The following LEMD2 variants were observed in gnomAD, a reference collection of about 807,000 sequenced individuals.
LEMD2 encodes LEM domain nuclear envelope protein 2.
Under a neutral mutation model 58.8 loss-of-function variants are expected in LEMD2, and 34 were observed. The ratio of observed to expected loss-of-function variants is 0.58; its 90% CI spans 0.44 to 0.77. The LOEUF (loss-of-function observed/expected upper bound fraction) is 0.77. LEMD2 is among the 30% of genes least tolerant of loss of function. The pLI, the probability that LEMD2 is intolerant of heterozygous loss-of-function variation, is 0.00. For missense variants in LEMD2, 629 were observed against 717.9 expected, an observed-to-expected ratio of 0.88 and a Z score of 1.42; for synonymous variants, 298 against 308.9, an observed-to-expected ratio of 0.96 and a Z score of 0.37.
chr6:33,780,234 C>A, intron 4 of LEMD2, 55 bp from the exon 5 acceptor site: 1 of 1,408,468 alleles, frequency 7.1e-7, no homozygotes, highest in Non-Finnish European at 9.8e-7. Flanking sequence ...GCAGCTGGAA[C>A]ATTATTCTGC....
intron 3 of LEMD2, 107 bp downstream of exon 3, chr6:33,784,245 C>T: frequency 1.1e-6 from 1 of 886,842 alleles, no homozygotes; most frequent in Non-Finnish European, 1.9e-6. Flanking sequence ...GAGAGACAAC[C>T]AGGGAGTGTC....
Position 33,788,911 on chromosome 6 carries a change from C to T in LEMD2, c.206G>A (p.Arg69His). 6.9e-7 allele frequency: 1 copy of T among 1,445,528 alleles called. No homozygotes were observed. The allele number at this position is 1,445,528 out of a possible 1,614,324, so 89.5% of individuals were successfully genotyped here. A position where few individuals can be genotyped will look rare whatever the true frequency, so the allele number is the denominator to read the frequency against. Reference protein sequence around the residue: ...EERLREEARLREDAPLRARPA... With the variant: ...EERLREEARLHEDAPLRARPA... ...CCGGGCGCGCAGCGGCGCATCCTCG[C>T]GTAACCGGGCCTCTTCCCGTAACCG... Residue 69 changes from arginine to histidine, a missense_variant, in exon 1 of 9, where the codon CGC (arginine) becomes CAC (histidine). Arg to His is a conservative substitution (Grantham distance 29, BLOSUM62 0). Coordinates refer to ENST00000293760, the MANE Select transcript of LEMD2 (RefSeq NM_181336.4).
chr6:33,772,701 T>C lies in LEMD2; in HGVS notation c.1439A>G (p.His480Arg), dbSNP rs1767330778. 1 of 1,613,902 alleles carries C rather than the reference T, an allele frequency of 6.2e-7. No individual in the cohort carries two copies. Among genetic ancestry groups the C allele is most frequent in the Non-Finnish European group, 8.5e-7 (1 of 1,180,004 alleles). ...SNESRIQTES[H>R]RVAGEDMLVW... ...CAGCATGTCCTCTCCTGCAACGCGG[T>C]GGGACTCCGTCTGGATCCGGGATTC... The change falls in exon 9 of 9, where the codon CAC becomes CGC. Residue 480 changes from histidine to arginine, a missense_variant. Coordinates refer to ENST00000293760, the MANE Select transcript of LEMD2 (RefSeq NM_181336.4).
chr6:33,777,312 G>T, intron 6 of LEMD2, 73 bp from the exon 7 acceptor site: 1 of 1,021,374 alleles, frequency 9.8e-7, no homozygotes, highest in Admixed American at 1.7e-5. Context: ...ACAAGATGCT[G>T]TGATGGATGC....
intron 1 of LEMD2, among the ~76,000 whole-genome samples, chr6:33,787,888 C>T (rs1404608886): frequency 6.6e-6 from 1 of 152,188 alleles, no homozygotes; most frequent in African/African-American, 2.4e-5. Context: ...AAGCGGCGGC[C>T]CTGTGATTCA....
chr6:33,774,941 T>G (rs751095), intron 8 of LEMD2, among the ~76,000 whole-genome samples: 19,272 of 151,702 alleles, frequency 0.13, 1,513 homozygotes, highest in Middle Eastern at 0.22. Context: ...TGGCATGTAG[T>G]AGGTGCTCAA....
In LEMD2 at chr6:33,781,160, G is replaced by GA. The variant is rs3833665; in HGVS notation, c.854-8dup. On this transcript the variant is annotated splice_polypyrimidine_tract_variant and splice_region_variant and intron_variant, in intron 3 of 8. Coordinates refer to ENST00000293760, the MANE Select transcript of LEMD2 (RefSeq NM_181336.4). ...TTTCCACACTCAAAATTACCTAGGA[G>GA]AAAAAAAACCACACATGCTCAAACA... 343,351 of 1,560,888 alleles carry GA rather than the reference G, an allele frequency of 0.22. 39,064 individuals carry two copies. Among genetic ancestry groups the GA allele is most frequent in the Admixed American group, 0.33 (19,279 of 58,842 alleles).
chr6:33,776,865 T>G, intron 8 of LEMD2, 89 bp downstream of exon 8: 1 of 1,064,454 alleles, frequency 9.4e-7, no homozygotes, highest in East Asian at 2.5e-5. Flanking sequence ...AGCTGACATC[T>G]GATGCAAGGC....
At position 33,788,428 on chromosome 6, in the gene LEMD2, C is replaced by G. The variant is rs781259158; in HGVS notation, c.689G>C (p.Trp230Ser). Reference protein sequence around the residue: ...GLLLVFLGILWVKMGKPSAPQ... With the variant: ...GLLLVFLGILSVKMGKPSAPQ... Reference sequence around the variant, plus strand: ...CGCTGAGGGCTTGCCCATCTTCACCCAAAGGATGCCCAGGAAGACGAGCAG... The same window carrying G: ...CGCTGAGGGCTTGCCCATCTTCACCGAAAGGATGCCCAGGAAGACGAGCAG... Residue 230 changes from tryptophan (W) to serine (S), a missense_variant, in exon 1 of 9, where the codon TGG becomes TCG. Around this residue, in one of 2 missense-constraint regions of LEMD2, gnomAD observed 386 missense variants for 381.1 expected, o/e 1.01. Coordinates refer to ENST00000293760, the MANE Select transcript of LEMD2 (RefSeq NM_181336.4). 6.3e-7 allele frequency: 1 copy of G among 1,586,946 alleles called. No individual in the cohort carries two copies. The highest frequency in any genetic ancestry group is 8.6e-7 in the Non-Finnish European group (1 of 1,167,660).
At chr6:33,784,609 G>A (rs72880536) in intron 2 of LEMD2, 182 bp from the exon 3 acceptor site, 15,194 of 560,630 alleles carry the variant, frequency 0.027, 401 homozygotes, top group Non-Finnish European at 0.033. Flanking sequence ...TAAATATTGG[G>A]TTAACTGCCT....
chr6:33,772,614 T>G lies in LEMD2; in HGVS notation c.*14A>C. 1 of 1,609,860 alleles carries G rather than the reference T, an allele frequency of 6.2e-7. No homozygotes were observed. The highest frequency in any genetic ancestry group is 1.1e-5 in the South Asian group (1 of 90,408). On this transcript the variant is annotated 3_prime_UTR_variant, in exon 9 of 9. Coordinates refer to ENST00000293760, the MANE Select transcript of LEMD2 (RefSeq NM_181336.4). Reference sequence around the variant, plus strand: ...CTGGGACAGGCTGACCGGGAACAAGTCCCCGCCCGGGGCTTATCGCTCTGA... The same window carrying G: ...CTGGGACAGGCTGACCGGGAACAAGGCCCCGCCCGGGGCTTATCGCTCTGA...
At chr6:33,773,984 C>A (rs1767369093) in intron 8 of LEMD2, among the ~76,000 whole-genome samples, 1 of 152,204 alleles carries the variant, frequency 6.6e-6, no homozygotes. Context: ...TGAGGGCCGG[C>A]TACCTGAGTG....
intron 8 of LEMD2, among the ~76,000 whole-genome samples, chr6:33,775,794 G>C (rs1467838028): frequency 6.6e-6 from 1 of 152,222 alleles, no homozygotes; most frequent in Non-Finnish European, 1.5e-5. Flanking sequence ...GGCCACTTCT[G>C]TTGTGTGCGT....
At chr6:33,786,663 G>A in intron 2 of LEMD2, 71 bp downstream of exon 2, 1 of 1,179,486 alleles carries the variant, frequency 8.5e-7, no homozygotes, top group Non-Finnish European at 1.3e-6. Context: ...CTTTTTCTGG[G>A]GAAGTTTACC....
rs1222169038 is a variant in LEMD2, at chr6:33,788,596, G to A, written c.521C>T (p.Ser174Phe). ...GCGCGGGTCGGGACCGAGGAGGGAG[G>A]AAGGCAGCCGCGCCGGGGCGGGAGA... ...AASPAPARLP[S>F]SLLGPDPRPG... The change falls in exon 1 of 9, where the codon TCC (serine) becomes TTC (phenylalanine). Residue 174 changes from serine to phenylalanine, a missense_variant. Transcript: ENST00000293760. 10 of 1,284,516 alleles carry A rather than the reference G, an allele frequency of 7.8e-6. No homozygotes were observed. Among genetic ancestry groups the A allele is most frequent in the Non-Finnish European group, 8.8e-6 (9 of 1,019,434 alleles). The allele number at this position is 1,284,516 out of a possible 1,614,324, so 79.6% of individuals were successfully genotyped here.
intron 2 of LEMD2, 129 bp downstream of exon 2, chr6:33,786,605 T>C (rs1016951379): frequency 7.1e-6 from 5 of 704,098 alleles, no homozygotes; most frequent in Non-Finnish European, 1.2e-5. Context: ...CAGAACACAA[T>C]GTGACTCTGG....
chr6:33,774,649 C>T (rs948848071), intron 8 of LEMD2, among the ~76,000 whole-genome samples: 2 of 152,068 alleles, frequency 1.3e-5, no homozygotes, highest in African/African-American at 4.8e-5. Context: ...AGGCTGGTCT[C>T]GAACTCCTGA....
intron 2 of LEMD2, among the ~76,000 whole-genome samples, chr6:33,785,080 C>A (rs935420265): frequency 6.6e-6 from 1 of 152,142 alleles, no homozygotes; most frequent in Non-Finnish European, 1.5e-5. Flanking sequence ...TTCAGCAGCA[C>A]AAAGGCAGAA....
chr6:33,788,902 G>C lies in LEMD2; in HGVS notation c.215C>G (p.Ala72Gly). ...LREEARLRED[A>G]PLRARPAAAS... ...CGCGGCGGGCCGGGCGCGCAGCGGCGCATCCTCGCGTAACCGGGCCTCTTC... is the reference window on the plus strand; with the variant it reads ...CGCGGCGGGCCGGGCGCGCAGCGGCCCATCCTCGCGTAACCGGGCCTCTTC... The change falls in exon 1 of 9, where the codon GCG becomes GGG. Residue 72 changes from alanine to glycine, a missense_variant. Physicochemically the swap from Ala to Gly is moderately conservative, Grantham distance 60. Coordinates refer to ENST00000293760, the MANE Select transcript of LEMD2 (RefSeq NM_181336.4). 6 of 1,413,526 alleles carry C rather than the reference G, an allele frequency of 4.2e-6. No homozygotes were observed. The highest frequency in any genetic ancestry group is 5.5e-6 in the Non-Finnish European group (6 of 1,090,044). 87.6% of individuals were successfully genotyped at this position (1,413,526 alleles called of 1,614,324 possible).
Sources: gnomAD v4.1 joint callset for allele counts (sites outside exome capture counted in the v4.1 genomes callset) on GRCh38, gnomAD v4.1.1 for gene constraint, gnomAD v4.1.1 regional missense constraint, MANE v1.5 for transcripts, NCBI Gene and HGNC (gene_info 2026-07-23, HGNC 2026-07-21) for gene names.